WDR72: variants seen among roughly 807,000 people sequenced by gnomAD.
The protein encoded by WDR72 is WD repeat domain 72.
A neutral mutation model predicts 124.2 loss-of-function variants in WDR72; 120 were observed. The ratio of observed to expected loss-of-function variants is 0.97; its 90% CI spans 0.83 to 1.12. The LOEUF (loss-of-function observed/expected upper bound fraction) is 1.12. WDR72 is among the 50% of genes most tolerant of loss of function. The probability of loss-of-function intolerance (pLI) is 0.00; values close to 1 mark genes in which losing one functional copy is unlikely to be tolerated. For missense variants in WDR72, 1,387 were observed against 1,278.8 expected (o/e 1.08, Z -1.29); for synonymous variants, 452 against 441.7 (o/e 1.02, Z -0.29).
At chr15:53,625,589 C>A (rs1336544893) in intron 14 of WDR72, among the ~76,000 whole-genome samples, 1 of 152,124 alleles carries the variant, frequency 6.6e-6, no homozygotes, top group African/African-American at 2.4e-5. Context: ...GGGTTGAATT[C>A]TTTGTCTGGA....
rs1891533026 is a variant in WDR72, at chr15:53,517,614, C to A, written c.*85G>T. On this transcript the variant is annotated 3_prime_UTR_variant, in exon 20 of 20. Coordinates refer to ENST00000360509, the MANE Select transcript of WDR72 (RefSeq NM_182758.4). Reference sequence around the variant, plus strand: ...AGCCTAATAACTTGACCAATAACAACAATGCTTTTATACAGTAATAAACAA... The same window carrying A: ...AGCCTAATAACTTGACCAATAACAAAAATGCTTTTATACAGTAATAAACAA... 7.0e-7 allele frequency: 1 copy of A among 1,419,824 alleles called. No individual in the cohort carries two copies. Among genetic ancestry groups the A allele is most frequent in the Non-Finnish European group, 1.0e-6 (1 of 1,004,194 alleles). The allele number at this position is 1,419,824 out of a possible 1,614,324, so 88.0% of individuals were successfully genotyped here.
chr15:53,595,055 G>A (rs892567239), intron 18 of WDR72, among the ~76,000 whole-genome samples: 19 of 151,940 alleles, frequency 1.3e-4, no homozygotes, highest in Admixed American at 2.6e-4. Context: ...TATACGCCCA[G>A]CATTTTGTGA....
rs542865393 is a variant in WDR72, at chr15:53,743,266, G to C, written c.-12-10105C>G. Among the ~76,000 whole-genome samples the C allele has an allele frequency of 4.9e-4, 74 of 151,950 alleles. No individual in the cohort carries two copies. The South Asian group carries it at 0.015, about 31-fold the overall frequency. The stretch of plus-strand genomic sequence containing the variant: ...AAGTGTTAAAAAGCTGATTTTTATA[G>C]AGTTTAATTTATAGAGTTTAATTAT... On this transcript the variant is annotated intron_variant, in intron 1 of 19. Transcript: ENST00000360509.
chr15:53,734,665 T>C (rs1042384434), intron 1 of WDR72, among the ~76,000 whole-genome samples: 1 of 151,978 alleles, frequency 6.6e-6, no homozygotes, highest in Non-Finnish European at 1.5e-5. Context: ...TTAATCCCTA[T>C]GTAAGGATAG....
At chr15:53,652,260 A>G (rs1291034308) in intron 14 of WDR72, 1 of 152,158 alleles carries the variant, frequency 6.6e-6, no homozygotes, top group Non-Finnish European at 1.5e-5. Context: ...GAGAAAAGGA[A>G]GAAGAACAAA....
At position 53,701,395 on chromosome 15, in the gene WDR72, A is replaced by C. The variant is rs188162310; in HGVS notation, c.1569+739T>G. Among the ~76,000 whole-genome samples, 368 of 152,050 alleles carry C rather than the reference A, an allele frequency of 2.4e-3. 1 individual carries two copies. The highest frequency in any genetic ancestry group is 3.9e-3 in the Non-Finnish European group (262 of 67,948). ...TGTTTCTACAAAAACAAAAATAAAA[A>C]ACAGTAGCTGGACTACATGCCTGTA... On this transcript the variant is annotated intron_variant, in intron 12 of 19. Coordinates refer to ENST00000360509, the MANE Select transcript of WDR72 (RefSeq NM_182758.4).
intron 18 of WDR72, among the ~76,000 whole-genome samples, chr15:53,570,931 G>A (rs565725342): frequency 8.5e-4 from 130 of 152,188 alleles, no homozygotes; most frequent in African/African-American, 2.9e-3. Context: ...CCTTTGCAGC[G>A]ACATGGATGC....
chr15:53,693,669 T>C (rs1381776901), intron 13 of WDR72, among the ~76,000 whole-genome samples: 1 of 152,208 alleles, frequency 6.6e-6, no homozygotes. Context: ...ACTACTACTA[T>C]TTCTAATAAG....
chr15:53,628,063 C>G (rs181852208), intron 14 of WDR72, among the ~76,000 whole-genome samples: 3 of 152,148 alleles, frequency 2.0e-5, no homozygotes, highest in Admixed American at 2.0e-4. Flanking sequence ...TGTTCTCAAC[C>G]TTCTTTTCCC....
At chr15:53,592,623 G>T (rs975123094) in intron 18 of WDR72, among the ~76,000 whole-genome samples, 3 of 152,034 alleles carry the variant, frequency 2.0e-5, no homozygotes, top group Non-Finnish European at 4.4e-5. Flanking sequence ...CATATTTGAT[G>T]CATCGTTTTC....
chr15:53,727,180 A>T (rs1198708330), intron 2 of WDR72, among the ~76,000 whole-genome samples: 2 of 143,754 alleles, frequency 1.4e-5, no homozygotes, highest in Admixed American at 7.1e-5. Flanking sequence ...GGTGTAGTGG[A>T]TCTCATCACT....
At chr15:53,743,523 A>G (rs568991463) in intron 1 of WDR72, among the ~76,000 whole-genome samples, 2 of 152,328 alleles carry the variant, frequency 1.3e-5, no homozygotes, top group African/African-American at 2.4e-5. Flanking sequence ...AGATGTTTCA[A>G]ATCGTTACTT....
At chr15:53,582,451 G>A (rs1319372987) in intron 18 of WDR72, among the ~76,000 whole-genome samples, 1 of 151,794 alleles carries the variant, frequency 6.6e-6, no homozygotes, top group Admixed American at 6.6e-5. Flanking sequence ...ATTTGATTTG[G>A]TGTAAAAATA....
chr15:53,707,489 C>T (rs1055341667), intron 9 of WDR72, among the ~76,000 whole-genome samples: 2 of 152,044 alleles, frequency 1.3e-5, no homozygotes, highest in Non-Finnish European at 2.9e-5. Context: ...CTCTGTTGCC[C>T]AGGCTGGAGT....
rs76401979 is a variant in WDR72 at position 53,604,868 on chromosome 15, G to A, written c.2952+4645C>T. On this transcript the variant is annotated intron_variant, in intron 17 of 19. Coordinates refer to ENST00000360509, the MANE Select transcript of WDR72 (RefSeq NM_182758.4). ...ATGCTGGAGAGACTGTGGAGAAAAG[G>A]AACGCTTATACATTGTTGGTGGGAA... Among the ~76,000 whole-genome samples the A allele has an allele frequency of 7.6e-3, 1,155 of 152,252 alleles. 19 individuals are homozygous for A. Among genetic ancestry groups the A allele is most frequent in the African/African-American group, 0.027 (1,116 of 41,552 alleles).
intron 18 of WDR72, among the ~76,000 whole-genome samples, chr15:53,590,410 C>T (rs966255431): frequency 1.3e-5 from 2 of 152,024 alleles, no homozygotes; most frequent in Non-Finnish European, 2.9e-5. Flanking sequence ...ACTTACAATG[C>T]TACACCCCAG....
intron 14 of WDR72, among the ~76,000 whole-genome samples, chr15:53,630,362 A>T (rs1232158051): frequency 6.6e-6 from 1 of 152,208 alleles, no homozygotes; most frequent in Non-Finnish European, 1.5e-5. Context: ...AATCTCTCTA[A>T]GAGGCCAGTA....
intron 9 of WDR72, among the ~76,000 whole-genome samples, chr15:53,707,818 T>G (rs754999059): frequency 6.6e-6 from 1 of 152,320 alleles, no homozygotes; most frequent in Admixed American, 6.5e-5. Context: ...TTTGAAATGG[T>G]GTTGATAACA....
chr15:53,713,918 A>T (rs1035939326), intron 6 of WDR72, among the ~76,000 whole-genome samples: 1 of 152,274 alleles, frequency 6.6e-6, no homozygotes, highest in South Asian at 2.1e-4. Context: ...ATAAATTCCT[A>T]AAAAGACCCC....
Sources: gnomAD v4.1 joint callset for allele counts (sites outside exome capture counted in the v4.1 genomes callset) on GRCh38, gnomAD v4.1.1 for gene constraint, MANE v1.5 for transcripts, NCBI Gene and HGNC (gene_info 2026-07-23, HGNC 2026-07-21) for gene names.